Variants in DNAH17 observed in about 807,000 individuals in gnomAD.
The protein encoded by DNAH17 is axonemal beta dynein heavy chain 17.
A neutral mutation model predicts 485.6 loss-of-function variants in DNAH17; 376 were observed. The observed-to-expected ratio is 0.77, with a 90% CI of 0.71 to 0.84. The LOEUF (loss-of-function observed/expected upper bound fraction) is 0.84. Ranked by LOEUF, DNAH17 falls within the 40% of genes least tolerant of loss-of-function variation. DNAH17 has a pLI of 0.00. For synonymous variants in DNAH17, 3,031 were observed against 2,405.9 expected (o/e 1.26, Z -7.60); for missense variants, 6,370 against 5,839.3 (o/e 1.09, Z -2.96).
chr17:78,486,101 C>CCA lies in DNAH17; in HGVS notation c.7132_7133dup (p.Trp2378CysfsTer75). 6.2e-7 allele frequency: 1 copy of CCA among 1,613,862 alleles called. No individual in the cohort carries two copies. Among genetic ancestry groups the CCA allele is most frequent in the Non-Finnish European group, 8.5e-7 (1 of 1,179,846 alleles). The stretch of plus-strand genomic sequence containing the variant: ...TGATAGTCTTGAATTCGTTGATCCA[C>CCA]CATTTACTGAACTCCACTCGATAAT... On this transcript the variant is annotated frameshift_variant, in exon 46 of 81. Transcript: ENST00000389840. LOFTEE classifies it high-confidence loss of function.
At chr17:78,495,437 G>GTT (rs147600821) in intron 38 of DNAH17, among the ~76,000 whole-genome samples, 149 of 134,992 alleles carry the variant, frequency 1.1e-3, no homozygotes, top group African/African-American at 3.6e-3. Flanking sequence ...TCCTGGGAGT[G>GTT]TTTTTTTTTT....
At position 78,562,111 on chromosome 17, in the gene DNAH17, C is replaced by T. The variant is rs143664488; in HGVS notation, c.1570-131G>A. On this transcript the variant is annotated intron_variant, in intron 11 of 80. Coordinates refer to ENST00000389840, the MANE Select transcript of DNAH17 (RefSeq NM_173628.4). The stretch of plus-strand genomic sequence containing the variant: ...GTGTACCTTGCCAAAACAAAACAAT[C>T]CACTGGAACCTTTGTGTGTGTCAAC... The T allele has an allele frequency of 5.1e-4, 568 of 1,122,336 alleles. No homozygotes were observed. The East Asian group carries it at 5.1e-3, about 10-fold the overall frequency. 69.5% of individuals were successfully genotyped at this position (1,122,336 alleles called of 1,614,324 possible).
chr17:78,570,926 C>T lies in DNAH17; in HGVS notation c.918+22G>A, dbSNP rs372653530. ...GAAACAAGACCCTCCCCACCAAAGC[C>T]GGCTCTCCCTTGCCTGCGCACCATC... On this transcript the variant is annotated intron_variant, in intron 6 of 80. Coordinates refer to ENST00000389840, the MANE Select transcript of DNAH17 (RefSeq NM_173628.4). 2,155 of 1,535,724 alleles carry T rather than the reference C, an allele frequency of 1.4e-3. 47 individuals are homozygous for T. The South Asian group carries it at 0.022, about 16-fold the overall frequency.
In DNAH17 at chr17:78,572,765, T is replaced by C; in HGVS notation, c.475A>G (p.Lys159Glu). 1.9e-6 allele frequency: 3 copies of C among 1,613,548 alleles called. No individual in the cohort carries two copies. The highest frequency in any genetic ancestry group is 2.5e-6 in the Non-Finnish European group (3 of 1,179,758). ...TGCTCCGGAATAGGCAGCAAGGTTTTGCCTTTGATCTTGCCACTCATCACA... is the reference window on the plus strand; with the variant it reads ...TGCTCCGGAATAGGCAGCAAGGTTTCGCCTTTGATCTTGCCACTCATCACA... ...MFVMSGKIKG[K>E]TLLPIPEHLG... Residue 159 changes from lysine to glutamate, a missense_variant, in exon 3 of 81, where the codon AAA (lysine) becomes GAA (glutamate). Lys to Glu is a moderately conservative substitution (Grantham distance 56). Coordinates refer to ENST00000389840, the MANE Select transcript of DNAH17 (RefSeq NM_173628.4).
At chr17:78,533,267 A>G (rs1432897202) in intron 19 of DNAH17, among the ~76,000 whole-genome samples, 1 of 152,200 alleles carries the variant, frequency 6.6e-6, no homozygotes, top group Non-Finnish European at 1.5e-5. Context: ...GGGGTCTGAC[A>G]TTCATCAAAG....
intron 52 of DNAH17, 28 bp from the exon 53 acceptor site, chr17:78,475,861 T>C (rs758002333): frequency 3.7e-6 from 6 of 1,605,206 alleles, no homozygotes; most frequent in Non-Finnish European, 5.1e-6. Context: ...AAGACGATAC[T>C]TCCGGTTTTT....
In DNAH17 at chr17:78,561,960, G is replaced by A. The variant is rs1568259460; in HGVS notation, c.1590C>T (p.Gly530=). The A allele has an allele frequency of 1.2e-6, 2 of 1,609,108 alleles. No homozygotes were observed. Among genetic ancestry groups the A allele is most frequent in the South Asian group, 1.1e-5 (1 of 90,586 alleles). The change falls in exon 12 of 81, where the codon GGC becomes GGT. Residue 530 remains glycine (G), a synonymous_variant. Transcript: ENST00000389840. Reference sequence around the variant, plus strand: ...CAAGAATCAGGGGCCGCTCCATGAGGCCCCCACACATGTACAGGAGCTGAG... The same window carrying A: ...CAAGAATCAGGGGCCGCTCCATGAGACCCCCACACATGTACAGGAGCTGAG... ...SSAKLLYMCG[G]LMERPLILAE...
intron 25 of DNAH17, among the ~76,000 whole-genome samples, chr17:78,521,493 T>C (rs531746172): frequency 6.6e-6 from 1 of 152,108 alleles, no homozygotes; most frequent in Admixed American, 6.6e-5. Flanking sequence ...CAAACAAAAA[T>C]AATAAATGAA....
At chr17:78,457,602 C>A (rs1414999836) in intron 62 of DNAH17, among the ~76,000 whole-genome samples, 1 of 150,448 alleles carries the variant, frequency 6.6e-6, no homozygotes, top group Admixed American at 6.6e-5. Flanking sequence ...TGGTTTCAAA[C>A]TCCCACCTCA....
At position 78,444,786 on chromosome 17, in the gene DNAH17, C is replaced by T. The variant is rs1193167208; in HGVS notation, c.11346G>A (p.Glu3782=). The T allele has an allele frequency of 1.9e-6, 3 of 1,572,892 alleles. No homozygotes were observed. Among genetic ancestry groups the T allele is most frequent in the Admixed American group, 1.9e-5 (1 of 51,610 alleles). The change falls in exon 71 of 81, where the codon GAG becomes GAA. Residue 3782 remains glutamate, a synonymous_variant. Coordinates refer to ENST00000389840, the MANE Select transcript of DNAH17 (RefSeq NM_173628.4). ...TGTCCAGATTTTTGAACTCATCCAT[C>T]TCCGAGAGGGCCTAGGGGCAGAGGC... ...QGWGGIKALS[E]MDEFKNLDSD...
intron 36 of DNAH17, chr17:78,499,936 C>T (rs975511689): frequency 5.3e-6 from 1 of 190,124 alleles, no homozygotes; most frequent in Admixed American, 5.5e-5. Context: ...ATCCCCTGCT[C>T]CCCTCCCAAA....
intron 12 of DNAH17, among the ~76,000 whole-genome samples, 185 bp downstream of exon 12, chr17:78,561,528 GCA>G (rs2092153805): frequency 4.6e-5 from 7 of 152,114 alleles, no homozygotes; most frequent in Non-Finnish European, 1.0e-4. Context: ...TTTCTCCTGA[GCA>G]CTCCCACCAA....
chr17:78,486,875 G>A lies in DNAH17; in HGVS notation c.6819-369C>T, dbSNP rs1298784828. 2.0e-5 allele frequency among the ~76,000 whole-genome samples: 3 copies of A among 152,122 alleles called. 1 individual carries two copies. Among genetic ancestry groups the A allele is most frequent in the South Asian group, 4.1e-4 (2 of 4,832 alleles). ...TCTCATGATGTCATGTGGGGGGCAC[G>A]AAGGTGGGGACAGTAAGGGAGCAGA... On this transcript the variant is annotated intron_variant, in intron 44 of 80. Transcript: ENST00000389840.
Position 78,506,833 on chromosome 17 carries a change from C to T in DNAH17, c.4690G>A (p.Glu1564Lys), listed in dbSNP as rs995779543. 1 of 1,613,964 alleles carries T rather than the reference C, an allele frequency of 6.2e-7. No individual in the cohort carries two copies. Among genetic ancestry groups the T allele is most frequent in the Admixed American group, 1.7e-5 (1 of 60,010 alleles). Residue 1564 changes from glutamate to lysine, a missense_variant, in exon 30 of 81, where the codon GAA becomes AAA. By Grantham distance (56) the Glu-to-Lys change is moderately conservative. Coordinates refer to ENST00000389840, the MANE Select transcript of DNAH17 (RefSeq NM_173628.4). ...TCTAAATACTCTGCCAAAGCCTTTT[C>T]ACAGATGGCCAAGCTGGGAGGAAGG... Reference protein sequence around the residue: ...EALKKSLAICEKALAEYLETK... With the variant: ...EALKKSLAICKKALAEYLETK...
chr17:78,507,209 T>G, intron 29 of DNAH17, 69 bp downstream of exon 29: 2 of 1,559,752 alleles, frequency 1.3e-6, no homozygotes, highest in Non-Finnish European at 1.8e-6. Context: ...AGACTTAAGT[T>G]CCGTCAGACT....
In DNAH17 at chr17:78,486,235, A is replaced by G. The variant is rs760182972; in HGVS notation, c.7090T>C (p.Phe2364Leu). 1 of 1,588,774 alleles carries G rather than the reference A, an allele frequency of 6.3e-7. No individual in the cohort carries two copies. Among genetic ancestry groups the G allele is most frequent in the Non-Finnish European group, 8.6e-7 (1 of 1,164,588 alleles). Residue 2364 changes from phenylalanine (F) to leucine (L), a missense_variant, in exon 45 of 81, where the codon TTC becomes CTC. Phe to Leu is a conservative substitution (Grantham distance 22, BLOSUM62 0). Coordinates refer to ENST00000389840, the MANE Select transcript of DNAH17 (RefSeq NM_173628.4). ...CCCAGGTGCATCACCTGGTCCTGGAACATGGCGCCACCGAAGGCCCAGAAG... is the reference window on the plus strand; with the variant it reads ...CCCAGGTGCATCACCTGGTCCTGGAGCATGGCGCCACCGAAGGCCCAGAAG... ...TCFWAFGGAM[F>L]QDQLVDYRVE... is the part of the protein sequence containing the mutation.
At position 78,507,626 on chromosome 17, in the gene DNAH17, C is replaced by T; in HGVS notation, c.4416G>A (p.Val1472=). The T allele has an allele frequency of 6.2e-7, 1 of 1,614,114 alleles. No individual in the cohort carries two copies. The highest frequency in any genetic ancestry group is 8.5e-7 in the Non-Finnish European group (1 of 1,180,004). ...TGGACAGCTTCTGCTGCCAGCTTGT[C>T]ACCTCCTTCAGGAAGTGGGCCAGGT... The part of the protein sequence containing the change: ...SKYLAHFLKE[V]TSWQQKLSTA... Residue 1472 remains valine (V), a synonymous_variant, in exon 28 of 81, where the codon GTG becomes GTA. Coordinates refer to ENST00000389840, the MANE Select transcript of DNAH17 (RefSeq NM_173628.4).
chr17:78,499,647 G>A (rs1250711745), intron 36 of DNAH17: 1 of 152,386 alleles, frequency 6.6e-6, no homozygotes, highest in African/African-American at 2.4e-5. Context: ...AATCCAGGAG[G>A]CGGATGTGGA....
At chr17:78,464,514 GC>G (rs1174426850) in intron 56 of DNAH17, among the ~76,000 whole-genome samples, 3 of 152,286 alleles carry the variant, frequency 2.0e-5, no homozygotes, top group South Asian at 4.1e-4. Context: ...GCCCGCTTTG[GC>G]CCCCCAAAGT....
Sources: allele counts gnomAD v4.1 joint callset (sites outside exome capture counted in the v4.1 genomes callset), GRCh38; gene constraint gnomAD v4.1.1; transcripts MANE v1.5; gene names NCBI Gene and HGNC (gene_info 2026-07-23, HGNC 2026-07-21).